Variants in DMD observed in about 807,000 individuals in gnomAD.
The protein encoded by DMD is mutant dystrophin.
DMD carries 63 observed loss-of-function variants against 330.1 expected under a neutral mutation model. The observed-to-expected ratio is 0.19, with a 90% CI of 0.16 to 0.24. The LOEUF (loss-of-function observed/expected upper bound fraction) is 0.24. Among genes scored for constraint, DMD ranks in the 10% least tolerant of loss-of-function variants. The probability of loss-of-function intolerance (pLI) is 1.00; values close to 1 mark genes in which losing one functional copy is unlikely to be tolerated. For synonymous variants in DMD, 1,223 were observed against 959.8 expected (o/e 1.27, Z -5.07); for missense variants, 3,344 against 2,684.1 (o/e 1.25, Z -5.43).
chrX:32,158,187 C>T (rs897724521), intron 44 of DMD, among the ~76,000 whole-genome samples: 1 of 110,530 alleles, frequency 9.0e-6, no homozygotes, highest in Non-Finnish European at 1.9e-5. Flanking sequence ...TTAATAATAC[C>T]TCATCAAGTG....
chrX:32,346,771 T>C (rs2097765260), intron 38 of DMD, among the ~76,000 whole-genome samples: 1 of 111,748 alleles, frequency 8.9e-6, no homozygotes, highest in Admixed American at 9.6e-5. Flanking sequence ...GGGTATTTTG[T>C]TCCTTTAGGC....
chrX:32,760,922 G>T (rs2072197343), intron 7 of DMD, among the ~76,000 whole-genome samples: 1 of 110,501 alleles, frequency 9.0e-6, no homozygotes, highest in South Asian at 3.8e-4. Flanking sequence ...TTCTTCATTG[G>T]TGCTTTTGCC....
chrX:31,647,555 T>G (rs1212777175), intron 54 of DMD, among the ~76,000 whole-genome samples: 1 of 112,009 alleles, frequency 8.9e-6, no homozygotes, highest in African/African-American at 3.2e-5. Context: ...TCATGGAGGG[T>G]TTTTTCGTTT....
chrX:32,565,570 GT>G, intron 16 of DMD, 131 bp downstream of exon 16: 1 of 632,514 alleles, frequency 1.6e-6, no homozygotes, highest in Non-Finnish European at 2.5e-6. Context: ...AAAGAATCAT[GT>G]TTTTATTTAA....
chrX:33,163,207 A>G (rs1043671875), intron 1 of DMD, among the ~76,000 whole-genome samples: 9 of 111,571 alleles, frequency 8.1e-5, no homozygotes, highest in Non-Finnish European at 1.7e-4. Context: ...CTCACAGAAT[A>G]CGTGTTTAGA....
intron 7 of DMD, among the ~76,000 whole-genome samples, chrX:32,704,464 C>T (rs1408170061): frequency 2.7e-5 from 3 of 111,664 alleles, no homozygotes; most frequent in East Asian, 2.8e-4. Context: ...AAAGAAGAGG[C>T]TCTACTGTCT....
intron 2 of DMD, among the ~76,000 whole-genome samples, chrX:32,858,814 T>A (rs1222651415): frequency 9.0e-6 from 1 of 111,128 alleles, no homozygotes; most frequent in Non-Finnish European, 1.9e-5. Context: ...ATACTATTTC[T>A]CTTGGATGGT....
intron 44 of DMD, among the ~76,000 whole-genome samples, chrX:31,979,005 A>G (rs1172267646): frequency 8.9e-6 from 1 of 112,303 alleles, no homozygotes; most frequent in Non-Finnish European, 1.9e-5. Flanking sequence ...ATAAAATCAT[A>G]CTGTACTTGA....
intron 42 of DMD, among the ~76,000 whole-genome samples, chrX:32,309,482 T>G (rs1467147092): frequency 9.0e-6 from 1 of 111,435 alleles, no homozygotes; most frequent in Admixed American, 9.6e-5. Flanking sequence ...TCATAGCCTA[T>G]TTCATCATCA....
chrX:31,301,183 G>A (rs2148085332), intron 62 of DMD, among the ~76,000 whole-genome samples: 1 of 111,781 alleles, frequency 8.9e-6, no homozygotes, highest in African/African-American at 3.3e-5. Context: ...TTCACAAGGA[G>A]GATGCGAAGA....
At chrX:32,315,800 CCTAT>C (rs1167748184) in intron 41 of DMD, among the ~76,000 whole-genome samples, 1 of 111,559 alleles carries the variant, frequency 9.0e-6, no homozygotes, top group East Asian at 2.8e-4. Flanking sequence ...ACCATTTTCA[CCTAT>C]CTTTCAAAGA....
In DMD at chrX:32,418,413, G is replaced by A. The variant is rs527800014; in HGVS notation, c.4072-6500C>T. 9.0e-5 allele frequency among the ~76,000 whole-genome samples: 10 copies of A among 111,657 alleles called. No homozygotes were observed. In the South Asian group the frequency reaches 3.7e-3, roughly 42 times the overall value. ...CTGTGAAAAATGGAGCATTATAGTA[G>A]TATCACATGATTGAAAAGCTAAGAT... On this transcript the variant is annotated intron_variant, in intron 29 of 78. Transcript: ENST00000357033.
chrX:32,699,044 C>T, intron 8 of DMD, 68 bp downstream of exon 8: 15 of 962,047 alleles, frequency 1.6e-5, no homozygotes, highest in East Asian at 6.2e-5. Flanking sequence ...TATATGTGCA[C>T]GTAATACCTA....
intron 1 of DMD, among the ~76,000 whole-genome samples, chrX:33,083,781 A>T (rs1039689457): frequency 2.7e-5 from 3 of 111,518 alleles, no homozygotes; most frequent in Non-Finnish European, 3.8e-5. Context: ...AAGTCTCCCA[A>T]ACCAGTAGTC....
At chrX:31,531,051 A>G (rs2073768772) in intron 55 of DMD, among the ~76,000 whole-genome samples, 1 of 88,581 alleles carries the variant, frequency 1.1e-5, no homozygotes, top group Non-Finnish European at 2.1e-5. Context: ...GATATGTGCC[A>G]CATTTTCTTA....
chrX:32,287,156 T>C (rs1465661887), intron 43 of DMD, among the ~76,000 whole-genome samples: 1 of 111,767 alleles, frequency 8.9e-6, no homozygotes, highest in Non-Finnish European at 1.9e-5. Flanking sequence ...ATAGGTAGTA[T>C]TTTAAACATG....
At chrX:32,209,608 G>A (rs185834314) in intron 44 of DMD, among the ~76,000 whole-genome samples, 64 of 111,308 alleles carry the variant, frequency 5.7e-4, no homozygotes, top group Non-Finnish European at 1.1e-3. Context: ...ATGATGGTGC[G>A]CAGTTTTGTT....
At chrX:31,942,404 C>T (rs2095018809) in intron 45 of DMD, among the ~76,000 whole-genome samples, 1 of 112,256 alleles carries the variant, frequency 8.9e-6, no homozygotes, top group South Asian at 3.7e-4. Context: ...TATAACTTCT[C>T]TAACATGGTC....
chrX:32,699,402 G>A, intron 7 of DMD, 109 bp from the exon 8 acceptor site: 2 of 651,946 alleles, frequency 3.1e-6, no homozygotes, highest in Middle Eastern at 3.9e-4. Context: ...AATGAACAGT[G>A]AATTGTCCAT....
Sources: allele counts gnomAD v4.1 joint callset (sites outside exome capture counted in the v4.1 genomes callset), GRCh38; gene constraint gnomAD v4.1.1; transcripts MANE v1.5; gene names NCBI Gene and HGNC (gene_info 2026-07-23, HGNC 2026-07-21).